Variants in SDK1 observed in about 807,000 individuals in gnomAD.
SDK1 encodes the protein protein sidekick-1.
A neutral mutation model predicts 245.5 loss-of-function variants in SDK1; 157 were observed. The observed-to-expected ratio is 0.64, with a 90% CI of 0.56 to 0.73. The LOEUF (loss-of-function observed/expected upper bound fraction) is 0.73. Ranked by LOEUF, SDK1 falls within the 30% of genes least tolerant of loss-of-function variation. SDK1 has a pLI of 0.00. For missense variants in SDK1, 3,583 were observed against 3,002.3 expected, an observed-to-expected ratio of 1.19 and a Z score of -4.52; for synonymous variants, 1,647 against 1,278.5, an observed-to-expected ratio of 1.29 and a Z score of -6.15.
intron 4 of SDK1, among the ~76,000 whole-genome samples, chr7:3,750,575 A>G (rs889693831): frequency 2.5e-4 from 38 of 152,354 alleles, no homozygotes; most frequent in African/African-American, 9.1e-4. Flanking sequence ...AGCATAGGCC[A>G]GTGGGAATTC....
At position 3,866,609 on chromosome 7, in the gene SDK1, A is replaced by G. The variant is rs540566199; in HGVS notation, c.847+45026A>G. Among the ~76,000 whole-genome samples, 11 of 152,302 alleles carry G rather than the reference A, an allele frequency of 7.2e-5. No homozygotes were observed. In the East Asian group the frequency reaches 2.1e-3, roughly 29 times the overall value. ...ACAGTGCATGCACGCACTAGTTTTC[A>G]TGCAATTCCACGGAGGTCGTGGACT... is the stretch of plus-strand genomic sequence containing the variant. On this transcript the variant is annotated intron_variant, in intron 5 of 44. Transcript: ENST00000404826.
intron 1 of SDK1, 66 bp downstream of exon 1, chr7:3,301,950 G>C (rs562152366): frequency 9.5e-7 from 1 of 1,051,902 alleles, no homozygotes; most frequent in Middle Eastern, 4.4e-4. Flanking sequence ...AACTTGAGCA[G>C]CGAGAGTGTG....
chr7:3,924,572 C>CCCAAACA (rs1209363893), intron 5 of SDK1, among the ~76,000 whole-genome samples: 1 of 152,136 alleles, frequency 6.6e-6, no homozygotes, highest in East Asian at 1.9e-4. Flanking sequence ...GGGTCTCGTA[C>CCCAAACA]GTTATCATCT....
At chr7:4,157,340 G>GGAA (rs202119924) in intron 30 of SDK1, among the ~76,000 whole-genome samples, 12 of 143,804 alleles carry the variant, frequency 8.3e-5, no homozygotes, top group Admixed American at 4.1e-4. Flanking sequence ...AGGGAGAGAA[G>GGAA]GGAAGAAGGA....
chr7:3,601,965 AT>A (rs1781267923), intron 1 of SDK1, among the ~76,000 whole-genome samples: 1 of 151,670 alleles, frequency 6.6e-6, no homozygotes. Context: ...GCTGAGAATG[AT>A]GGTTTCCAGT....
chr7:3,671,526 A>G (rs1355602285), intron 4 of SDK1, among the ~76,000 whole-genome samples: 1 of 152,184 alleles, frequency 6.6e-6, no homozygotes, highest in Non-Finnish European at 1.5e-5. Context: ...TTCTTTCTCA[A>G]TATAGCTGAG....
intron 1 of SDK1, among the ~76,000 whole-genome samples, chr7:3,489,932 A>G (rs530158290): frequency 2.2e-4 from 33 of 152,212 alleles, no homozygotes; most frequent in Non-Finnish European, 4.4e-4. Context: ...CCAATTACAC[A>G]TAAAATAGTC....
intron 1 of SDK1, among the ~76,000 whole-genome samples, chr7:3,342,244 T>C (rs962091837): frequency 6.6e-6 from 1 of 152,172 alleles, no homozygotes; most frequent in African/African-American, 2.4e-5. Context: ...CAAAATTAAC[T>C]CAAAATAGAT....
chr7:4,006,385 T>G (rs770157238), intron 14 of SDK1, among the ~76,000 whole-genome samples: 1 of 152,196 alleles, frequency 6.6e-6, no homozygotes, highest in Non-Finnish European at 1.5e-5. Flanking sequence ...ATTAAACGTT[T>G]ATGGGATGGT....
intron 5 of SDK1, among the ~76,000 whole-genome samples, chr7:3,949,439 T>C (rs1420922698): frequency 6.6e-6 from 1 of 152,196 alleles, no homozygotes; most frequent in Non-Finnish European, 1.5e-5. Flanking sequence ...TTGTTCTCTC[T>C]CCGCGGCCCT....
At chr7:3,826,238 T>C (rs1232092694) in intron 5 of SDK1, among the ~76,000 whole-genome samples, 1 of 152,150 alleles carries the variant, frequency 6.6e-6, no homozygotes, top group African/African-American at 2.4e-5. Context: ...TAGTTACTTA[T>C]CAATTCTAAG....
At chr7:3,992,267 ACC>A (rs1341509383) in intron 14 of SDK1, among the ~76,000 whole-genome samples, 1 of 152,220 alleles carries the variant, frequency 6.6e-6, no homozygotes, top group Admixed American at 6.5e-5. Flanking sequence ...CTGAGCCTGC[ACC>A]CATGTACGGG....
chr7:4,070,330 C>T (rs1357956664), intron 20 of SDK1, among the ~76,000 whole-genome samples: 1 of 152,168 alleles, frequency 6.6e-6, no homozygotes, highest in African/African-American at 2.4e-5. Flanking sequence ...GTTTCCTTAT[C>T]ACAACATCCA....
At chr7:3,912,929 T>G (rs1779228515) in intron 5 of SDK1, among the ~76,000 whole-genome samples, 1 of 152,158 alleles carries the variant, frequency 6.6e-6, no homozygotes, top group Non-Finnish European at 1.5e-5. Context: ...CAAGTCACAG[T>G]TTTCATGTAA....
At chr7:4,167,944 T>G (rs1334230301) in intron 32 of SDK1, among the ~76,000 whole-genome samples, 1 of 152,230 alleles carries the variant, frequency 6.6e-6, no homozygotes, top group African/African-American at 2.4e-5. Flanking sequence ...CTTGACCTCA[T>G]GGGTTCCATG....
At chr7:3,856,335 A>G (rs1583481553) in intron 5 of SDK1, among the ~76,000 whole-genome samples, 2 of 152,146 alleles carry the variant, frequency 1.3e-5, no homozygotes, top group African/African-American at 4.8e-5. Flanking sequence ...GGTTTAAAAA[A>G]TGAAACAACC....
intron 30 of SDK1, among the ~76,000 whole-genome samples, chr7:4,153,376 A>C (rs1780515130): frequency 6.6e-6 from 1 of 152,106 alleles, no homozygotes; most frequent in Non-Finnish European, 1.5e-5. Context: ...ACCTGAGGTC[A>C]GGAGATCGAG....
intron 1 of SDK1, among the ~76,000 whole-genome samples, chr7:3,535,506 G>T (rs1303279113): frequency 1.3e-5 from 2 of 152,106 alleles, no homozygotes; most frequent in African/African-American, 4.8e-5. Context: ...GCCAGGCTCA[G>T]TCATACTATT....
At chr7:3,497,218 T>C (rs549433110) in intron 1 of SDK1, among the ~76,000 whole-genome samples, 1 of 152,296 alleles carries the variant, frequency 6.6e-6, no homozygotes, top group East Asian at 1.9e-4. Context: ...AAGGCAATGG[T>C]TACTCTTTTA....
Sources: gnomAD v4.1 joint callset for allele counts (sites outside exome capture counted in the v4.1 genomes callset) on GRCh38, gnomAD v4.1.1 for gene constraint, MANE v1.5 for transcripts, NCBI Gene and HGNC (gene_info 2026-07-23, HGNC 2026-07-21) for gene names.